Variants in LRRC20 observed in about 807,000 individuals in gnomAD.
LRRC20 encodes the protein leucine rich repeat containing 20.
A neutral mutation model predicts 14.4 loss-of-function variants in LRRC20; 11 were observed. The ratio of observed to expected loss-of-function variants is 0.77; its 90% confidence interval spans 0.48 to 1.27. The LOEUF is 1.27. Ranked by LOEUF, LRRC20 falls within the 50% of genes most tolerant of loss-of-function variation. The probability of loss-of-function intolerance (pLI) is 0.00; values close to 1 mark genes in which losing one functional copy is unlikely to be tolerated. For synonymous variants in LRRC20, 121 were observed against 107.3 expected (o/e 1.13, Z -0.79); for missense variants, 219 against 251.2 (o/e 0.87, Z 0.87).
chr10:70,340,426 C>T (rs1842869851), intron 3 of LRRC20, 127 bp downstream of exon 3: 1 of 1,137,274 alleles, frequency 8.8e-7, no homozygotes, highest in African/African-American at 1.5e-5. Context: ...TCAAAGTCAA[C>T]CCATGGGAAT....
intron 2 of LRRC20, among the ~76,000 whole-genome samples, chr10:70,349,634 G>A (rs1386281740): frequency 6.6e-6 from 1 of 152,150 alleles, no homozygotes; most frequent in East Asian, 1.9e-4. Flanking sequence ...TATTTGCTAT[G>A]TGCCAGACAC....
chr10:70,326,905 C>T (rs1054831388), intron 3 of LRRC20, among the ~76,000 whole-genome samples: 4 of 152,168 alleles, frequency 2.6e-5, no homozygotes, highest in East Asian at 1.9e-4. Context: ...ATGATCCGCC[C>T]GCCTCAGCCT....
intron 1 of LRRC20, among the ~76,000 whole-genome samples, chr10:70,377,574 C>T (rs776775582): frequency 9.9e-5 from 15 of 152,182 alleles, no homozygotes; most frequent in African/African-American, 3.4e-4. Flanking sequence ...CCAAGGTCAG[C>T]ACCCCTTCTT....
At chr10:70,362,211 G>A (rs1843754797) in intron 2 of LRRC20, among the ~76,000 whole-genome samples, 1 of 152,198 alleles carries the variant, frequency 6.6e-6, no homozygotes, top group Non-Finnish European at 1.5e-5. Context: ...TTTAGGCTGG[G>A]CCTTAAAGTA....
intron 4 of LRRC20, among the ~76,000 whole-genome samples, chr10:70,305,639 C>T (rs1174634395): frequency 6.6e-6 from 1 of 152,120 alleles, no homozygotes; most frequent in East Asian, 1.9e-4. Context: ...AGTCTCTTCC[C>T]CCCTCCTTTT....
chr10:70,346,126 G>A (rs1046102930), intron 2 of LRRC20, among the ~76,000 whole-genome samples: 6 of 152,116 alleles, frequency 3.9e-5, no homozygotes, highest in South Asian at 2.1e-4. Context: ...GGTGACGGGC[G>A]CTTGTAATCC....
At chr10:70,326,113 C>T (rs1429549764) in intron 3 of LRRC20, among the ~76,000 whole-genome samples, 1 of 151,938 alleles carries the variant, frequency 6.6e-6, no homozygotes. Flanking sequence ...AAAAATGACC[C>T]CTAATTTCTG....
intron 4 of LRRC20, among the ~76,000 whole-genome samples, chr10:70,316,531 G>T (rs1385389094): frequency 6.6e-6 from 1 of 152,240 alleles, no homozygotes; most frequent in Non-Finnish European, 1.5e-5. Flanking sequence ...TGGAGGTTTT[G>T]GTTCATCCAG....
intron 2 of LRRC20, among the ~76,000 whole-genome samples, chr10:70,357,676 C>A (rs1056424923): frequency 2.6e-5 from 4 of 152,140 alleles, no homozygotes; most frequent in African/African-American, 4.8e-5. Context: ...TCCTTCCTGG[C>A]AAGCCAGTAA....
chr10:70,334,656 G>A (rs1183255605), intron 3 of LRRC20, among the ~76,000 whole-genome samples: 1 of 152,062 alleles, frequency 6.6e-6, no homozygotes, highest in Non-Finnish European at 1.5e-5. Context: ...TCACCACCCT[G>A]GCCTGTTAGG....
chr10:70,365,654 G>A (rs1004909804), intron 2 of LRRC20, among the ~76,000 whole-genome samples: 2 of 152,080 alleles, frequency 1.3e-5, no homozygotes, highest in Non-Finnish European at 2.9e-5. Context: ...TTGTGCCTGT[G>A]AACAGCACTG....
At chr10:70,347,034 T>C (rs1013462472) in intron 2 of LRRC20, among the ~76,000 whole-genome samples, 1 of 152,080 alleles carries the variant, frequency 6.6e-6, no homozygotes, top group Admixed American at 6.6e-5. Flanking sequence ...TACAGGTGCA[T>C]GCCACCATGC....
intron 4 of LRRC20, among the ~76,000 whole-genome samples, chr10:70,317,492 C>G: frequency 6.6e-6 from 1 of 152,164 alleles, no homozygotes; most frequent in East Asian, 1.9e-4. Context: ...TTGCTTCAGT[C>G]TCCTGAGTAG....
chr10:70,322,406 C>A (rs1168679211), intron 4 of LRRC20, among the ~76,000 whole-genome samples: 1 of 152,182 alleles, frequency 6.6e-6, no homozygotes, highest in Non-Finnish European at 1.5e-5. Flanking sequence ...GACGAAGGAC[C>A]CAGGCAAGAA....
chr10:70,357,861 G>T (rs1427619770), intron 2 of LRRC20, among the ~76,000 whole-genome samples: 2 of 152,224 alleles, frequency 1.3e-5, no homozygotes, highest in African/African-American at 4.8e-5. Flanking sequence ...GACACTAACA[G>T]TATGGCCACT....
intron 3 of LRRC20, among the ~76,000 whole-genome samples, chr10:70,325,381 C>G (rs186069527): frequency 6.6e-6 from 1 of 152,218 alleles, no homozygotes; most frequent in African/African-American, 2.4e-5. Context: ...TGGCCTCCCC[C>G]TCCCATCCCT....
chr10:70,313,642 C>A (rs573415206), intron 4 of LRRC20, among the ~76,000 whole-genome samples: 20 of 152,112 alleles, frequency 1.3e-4, no homozygotes, highest in Non-Finnish European at 2.8e-4. Context: ...AAAGACAATA[C>A]CAGCCCCTTC....
chr10:70,334,764 C>G (rs1408968933), intron 3 of LRRC20, among the ~76,000 whole-genome samples: 1 of 152,220 alleles, frequency 6.6e-6, no homozygotes, highest in Non-Finnish European at 1.5e-5. Context: ...GAAGACCACT[C>G]CCCAAAGTGT....
At chr10:70,371,418 T>C (rs190198842) in intron 2 of LRRC20, among the ~76,000 whole-genome samples, 1 of 152,118 alleles carries the variant, frequency 6.6e-6, no homozygotes, top group Admixed American at 6.5e-5. Context: ...GGGATGTGTG[T>C]AGTAGAGTCT....
Sources: gnomAD v4.1 joint callset for allele counts (sites outside exome capture counted in the v4.1 genomes callset) on GRCh38, gnomAD v4.1.1 for gene constraint, MANE v1.5 for transcripts, NCBI Gene and HGNC (gene_info 2026-07-23, HGNC 2026-07-21) for gene names.